The following NHP2 variants were observed in gnomAD, a reference collection of about 807,000 sequenced individuals.
NHP2 encodes H/ACA ribonucleoprotein complex subunit 2.
In NHP2, 10 loss-of-function variants were observed where a neutral mutation model predicts 16.7. The ratio of observed to expected loss-of-function variants is 0.60; its 90% CI spans 0.37 to 1.01. The LOEUF is 1.01. Ranked by LOEUF, NHP2 falls within the 50% of genes least tolerant of loss-of-function variation. NHP2 has a pLI of 0.01. For synonymous variants in NHP2, 87 were observed against 78.9 expected, an observed-to-expected ratio of 1.10 and a Z score of -0.54; for missense variants, 184 against 198.3, an observed-to-expected ratio of 0.93 and a Z score of 0.43.
Position 178,150,244 on chromosome 5 carries a change from C to T in NHP2, c.337-406G>A, listed in dbSNP as rs544955204. On this transcript the variant is annotated intron_variant, in intron 3 of 3. Coordinates refer to ENST00000274606, the MANE Select transcript of NHP2 (RefSeq NM_017838.4). The stretch of plus-strand genomic sequence containing the variant: ...ACAAAGCTCTTTCACATACATCTAT[C>T]TCTTTATTCTCATAGTCCACAGATA... 28 of 216,740 alleles carry T rather than the reference C, an allele frequency of 1.3e-4. 1 individual carries two copies. Among genetic ancestry groups the T allele is most frequent in the Middle Eastern group, 1.9e-3 (1 of 520 alleles). The allele number at this position is 216,740 out of a possible 1,614,324, so 13.4% of individuals were successfully genotyped here.
At chr5:178,151,405 C>G (rs1279419694) in intron 2 of NHP2, among the ~76,000 whole-genome samples, 1 of 152,194 alleles carries the variant, frequency 6.6e-6, no homozygotes, top group Non-Finnish European at 1.5e-5. Context: ...GAGTACCAGG[C>G]TAAGAAGCAT....
intron 1 of NHP2, 30 bp downstream of exon 1, chr5:178,153,628 C>G: frequency 6.2e-7 from 1 of 1,613,818 alleles, no homozygotes; most frequent in Non-Finnish European, 8.5e-7. Flanking sequence ...ACCCGCGCAC[C>G]CATCCCGGCC....
chr5:178,153,433 T>C (rs929148210), intron 2 of NHP2, 58 bp downstream of exon 2: 1 of 1,570,812 alleles, frequency 6.4e-7, no homozygotes, highest in Non-Finnish European at 8.8e-7. Context: ...GCCTACTAAG[T>C]AGAGATTTCT....
chr5:178,150,428 G>A, intron 3 of NHP2: 3 of 336,792 alleles, frequency 8.9e-6, no homozygotes, highest in South Asian at 7.2e-5. Flanking sequence ...ATGCAGTCTG[G>A]AGTGTGGTGG....
At chr5:178,151,722 T>C (rs1306401970) in intron 2 of NHP2, among the ~76,000 whole-genome samples, 3 of 152,068 alleles carry the variant, frequency 2.0e-5, no homozygotes, top group East Asian at 3.9e-4. Context: ...CTCAGGACCT[T>C]CTTCCTGGCT....
chr5:178,151,302 G>A (rs1477438130), intron 2 of NHP2, among the ~76,000 whole-genome samples: 3 of 152,218 alleles, frequency 2.0e-5, no homozygotes, highest in Admixed American at 1.3e-4. Context: ...GGCAGCCCAC[G>A]GAGGGGCTGG....
chr5:178,150,075 C>T, intron 3 of NHP2: 1 of 432,610 alleles, frequency 2.3e-6, no homozygotes, highest in Admixed American at 4.0e-5. Context: ...AGGGCTCCAG[C>T]CCAGCAGGGG....
In NHP2 at chr5:178,149,817, A is replaced by G; in HGVS notation, c.358T>C (p.Ser120Pro). The change falls in exon 4 of 4, where the codon TCC (serine) becomes CCC (proline). Residue 120 changes from serine to proline, a missense_variant. Coordinates refer to ENST00000274606, the MANE Select transcript of NHP2 (RefSeq NM_017838.4). ...ATTATCACACAGGTGGGGCGCTTGGAGCCTGCGGCTGCACCCAGGTCCTAC... is the reference window on the plus strand; with the variant it reads ...ATTATCACACAGGTGGGGCGCTTGGGGCCTGCGGCTGCACCCAGGTCCTAC... The part of the protein sequence containing the change: ...SKTDLGAAAG[S>P]KRPTCVIMVK... 6.2e-7 allele frequency: 1 copy of G among 1,613,758 alleles called. No individual in the cohort carries two copies. The highest frequency in any genetic ancestry group is 8.5e-7 in the Non-Finnish European group (1 of 1,179,788).
intron 2 of NHP2, among the ~76,000 whole-genome samples, chr5:178,151,664 T>C (rs538289739): frequency 1.3e-5 from 2 of 152,236 alleles, no homozygotes; most frequent in South Asian, 4.1e-4. Context: ...GTTAAGCGCC[T>C]TTCACTGTGA....
intron 3 of NHP2, 84 bp downstream of exon 3, chr5:178,150,804 G>T: frequency 1.1e-6 from 1 of 901,050 alleles, no homozygotes; most frequent in Non-Finnish European, 1.9e-6. Flanking sequence ...AACACTCCTG[G>T]CTCTTTCCCA....
chr5:178,153,618 AC>A, intron 1 of NHP2, 39 bp downstream of exon 1: 1 of 1,613,158 alleles, frequency 6.2e-7, no homozygotes, highest in African/African-American at 1.3e-5. Context: ...CACCCATCCC[AC>A]CCGCGCACCC....
At chr5:178,153,156 G>T in intron 2 of NHP2, 1 of 427,992 alleles carries the variant, frequency 2.3e-6, no homozygotes, top group Non-Finnish European at 4.4e-6. Flanking sequence ...CTAGGACTGA[G>T]ATTCAGGGCT....
In NHP2 at chr5:178,153,505, G is replaced by C. The variant is rs1756325819; in HGVS notation, c.216C>G (p.Asn72Lys). The change falls in exon 2 of 4, where the codon AAC becomes AAG. Residue 72 changes from asparagine (N) to lysine (K), a missense_variant. By Grantham distance (94) the Asn-to-Lys change is moderately conservative. Transcript: ENST00000274606. ...AAGGTTCTTACCCTTTTTCTCCTTT[G>C]TTGACAAATTTCTGAACCTCTTTCA... The part of the protein sequence containing the change: ...RGVKEVQKFV[N>K]KGEKGIMVLA... 6.2e-7 allele frequency: 1 copy of C among 1,613,982 alleles called. No individual in the cohort carries two copies. The highest frequency in any genetic ancestry group is 1.7e-5 in the Admixed American group (1 of 60,004).
chr5:178,153,758 C>A lies in NHP2; in HGVS notation c.60G>T (p.Gly20=). Residue 20 remains glycine (G), a synonymous_variant, in exon 1 of 4, where the codon GGG becomes GGT. Transcript: ENST00000274606. ...CCAGCAGCTCCTGGTAGGTGCGCTC[C>A]CCGGAACACGCCTCCGCCTGAGCCT... ...GPEAQAEACS[G]ERTYQELLVN... 6.2e-7 allele frequency: 1 copy of A among 1,613,312 alleles called. No homozygotes were observed. The highest frequency in any genetic ancestry group is 8.5e-7 in the Non-Finnish European group (1 of 1,179,648).
intron 2 of NHP2, chr5:178,153,268 T>C (rs1481247225): frequency 1.6e-6 from 1 of 629,838 alleles, no homozygotes; most frequent in Admixed American, 2.5e-5. Flanking sequence ...TAAGGGACTT[T>C]GCTTACACAA....
rs534429549 is a variant in NHP2 at position 178,152,326 on chromosome 5, CCT to C, written c.230+1163_230+1164del. On this transcript the variant is annotated intron_variant, in intron 2 of 3. Coordinates refer to ENST00000274606, the MANE Select transcript of NHP2 (RefSeq NM_017838.4). ...AAGGTAGCACTTCTGCTCACCAGAC[CCT>C]CTCCTGCCCAGAGGCCCACTCTTTC... Among the ~76,000 whole-genome samples the C allele has an allele frequency of 5.2e-3, 791 of 152,230 alleles. 4 individuals carry two copies. The highest frequency in any genetic ancestry group is 8.4e-3 in the Non-Finnish European group (569 of 68,014).
chr5:178,153,617 C>T, intron 1 of NHP2, 41 bp downstream of exon 1: 1 of 1,613,920 alleles, frequency 6.2e-7, no homozygotes, highest in East Asian at 2.2e-5. Flanking sequence ...GCACCCATCC[C>T]ACCCGCGCAC....
intron 2 of NHP2, among the ~76,000 whole-genome samples, chr5:178,152,822 C>T (rs1756311414): frequency 6.6e-6 from 1 of 152,208 alleles, no homozygotes; most frequent in Non-Finnish European, 1.5e-5. Flanking sequence ...CGCGGTGGCT[C>T]ATGCCTGTAA....
rs184465839 is a variant in NHP2 at position 178,151,779 on chromosome 5, A to G, written c.231-786T>C. ...GTCAGGTGCCATCTATGTGCTGAAA[A>G]CTCCCAGATGTACTATCTCCAGCCT... is the stretch of plus-strand genomic sequence containing the variant. On this transcript the variant is annotated intron_variant, in intron 2 of 3. Transcript: ENST00000274606. Among the ~76,000 whole-genome samples the G allele has an allele frequency of 1.7e-3, 257 of 149,138 alleles. 1 individual carries two copies. Among genetic ancestry groups the G allele is most frequent in the African/African-American group, 6.1e-3 (245 of 40,382 alleles).
Sources: allele counts gnomAD v4.1 joint callset (sites outside exome capture counted in the v4.1 genomes callset), GRCh38; gene constraint gnomAD v4.1.1; transcripts MANE v1.5; gene names NCBI Gene and HGNC (gene_info 2026-07-23, HGNC 2026-07-21).